The following PPFIBP1 variants were observed in gnomAD, a reference collection of about 807,000 sequenced individuals.
PPFIBP1 encodes the protein PPFIB scaffold protein 1, also known as liprin-beta-1.
In PPFIBP1, 112 loss-of-function variants were observed where a neutral mutation model predicts 137.8. The observed-to-expected ratio is 0.81, with a 90% CI of 0.70 to 0.95. The LOEUF is 0.95. Ranked by LOEUF, PPFIBP1 falls within the 40% of genes least tolerant of loss-of-function variation. The probability of loss-of-function intolerance (pLI) is 0.00; values close to 1 mark genes in which losing one functional copy is unlikely to be tolerated. For synonymous variants in PPFIBP1, 378 were observed against 417.3 expected, an observed-to-expected ratio of 0.91 and a Z score of 1.15; for missense variants, 1,083 against 1,196.6, an observed-to-expected ratio of 0.91 and a Z score of 1.40.
chr12:27,647,021 G>A (rs1417744072), intron 5 of PPFIBP1, among the ~76,000 whole-genome samples: 1 of 152,024 alleles, frequency 6.6e-6, no homozygotes, highest in Non-Finnish European at 1.5e-5. Context: ...TTTTTGTTTT[G>A]GACGGAGTCT....
At chr12:27,665,711 G>A (rs7974209) in intron 12 of PPFIBP1, among the ~76,000 whole-genome samples, 112,144 of 152,116 alleles carry the variant, frequency 0.74, 41,676 homozygotes, top group East Asian at 0.89. Flanking sequence ...CAATTCTTTT[G>A]GAAGGTCCCC....
At chr12:27,662,493 G>A (rs2059614226) in intron 11 of PPFIBP1, among the ~76,000 whole-genome samples, 1 of 152,220 alleles carries the variant, frequency 6.6e-6, no homozygotes, top group Non-Finnish European at 1.5e-5. Flanking sequence ...GGTGAGAAAT[G>A]AAGAGGGCTT....
intron 17 of PPFIBP1, among the ~76,000 whole-genome samples, chr12:27,675,565 G>C (rs2060465974): frequency 6.6e-6 from 1 of 151,996 alleles, no homozygotes; most frequent in Non-Finnish European, 1.5e-5. Context: ...GAAGACAAAA[G>C]TATCTTTGTA....
intron 1 of PPFIBP1, among the ~76,000 whole-genome samples, chr12:27,531,370 G>A (rs917427008): frequency 5.9e-5 from 9 of 151,966 alleles, no homozygotes; most frequent in Non-Finnish European, 1.0e-4. Flanking sequence ...TCGGCTCACT[G>A]CAACCTCCAC....
At chr12:27,676,406 A>G in intron 17 of PPFIBP1, 22 bp from the exon 18 acceptor site, 1 of 1,458,722 alleles carries the variant, frequency 6.9e-7, no homozygotes, top group Admixed American at 2.5e-5. Flanking sequence ...GAGCTGTTTC[A>G]CTATTCTTAT....
At position 27,692,977 on chromosome 12, in the gene PPFIBP1, A is replaced by G; in HGVS notation, c.*95A>G. ...ATATACAACAGGCAGCGGATTGTCTATTGTTTGTTGTTCCAACTTCTGCTG... is the reference window on the plus strand; with the variant it reads ...ATATACAACAGGCAGCGGATTGTCTGTTGTTTGTTGTTCCAACTTCTGCTG... On this transcript the variant is annotated 3_prime_UTR_variant, in exon 30 of 30. Coordinates refer to ENST00000228425, the MANE Select transcript of PPFIBP1 (RefSeq NM_003622.4). The G allele has an allele frequency of 1.3e-6, 2 of 1,515,938 alleles. No homozygotes were observed. Among genetic ancestry groups the G allele is most frequent in the Non-Finnish European group, 1.8e-6 (2 of 1,131,668 alleles). 93.9% of individuals were successfully genotyped at this position (1,515,938 alleles called of 1,614,324 possible). A position where few individuals can be genotyped will look rare whatever the true frequency, so the allele number is the denominator to read the frequency against.
rs1227976988 is a variant in PPFIBP1 at position 27,689,148 on chromosome 12, G to A, written c.2630G>A (p.Arg877Gln). The A allele has an allele frequency of 3.1e-6, 5 of 1,599,766 alleles. No homozygotes were observed. Among genetic ancestry groups the A allele is most frequent in the African/African-American group, 2.7e-5 (2 of 73,738 alleles). Reference sequence around the variant, plus strand: ...GGGGCTGAGGCACAGCACCAGAAGCGAGATGCCATGGAGCTGCCGGATTAT... The same window carrying A: ...GGGGCTGAGGCACAGCACCAGAAGCAAGATGCCATGGAGCTGCCGGATTAT... ...LIGAEAQHQK[R>Q]DAMELPDYVL... Residue 877 changes from arginine (R) to glutamine (Q), a missense_variant, in exon 27 of 30, where the codon CGA (arginine) becomes CAA (glutamine). Arg to Gln is a conservative substitution (Grantham distance 43). Coordinates refer to ENST00000228425, the MANE Select transcript of PPFIBP1 (RefSeq NM_003622.4).
At position 27,677,458 on chromosome 12, in the gene PPFIBP1, G is replaced by A. The variant is rs953745561; in HGVS notation, c.1615+362G>A. On this transcript the variant is annotated intron_variant, in intron 19 of 29. Transcript: ENST00000228425. ...ACTAACTCCCAGGTCCTTGCAGTCCGTTCTCCATGCTTACATTTCCCCCAG... is the reference window on the plus strand; with the variant it reads ...ACTAACTCCCAGGTCCTTGCAGTCCATTCTCCATGCTTACATTTCCCCCAG... 1.6e-5 allele frequency: 4 copies of A among 257,468 alleles called. No homozygotes were observed. The East Asian group carries it at 2.1e-4, about 14-fold the overall frequency. 15.9% of individuals were successfully genotyped at this position (257,468 alleles called of 1,614,324 possible).
intron 1 of PPFIBP1, among the ~76,000 whole-genome samples, chr12:27,549,839 G>T (rs1387144353): frequency 2.0e-5 from 3 of 152,036 alleles, no homozygotes; most frequent in African/African-American, 7.2e-5. Flanking sequence ...GTGTAGGAGG[G>T]TCTGACACCC....
intron 1 of PPFIBP1, among the ~76,000 whole-genome samples, chr12:27,556,963 A>C (rs949571293): frequency 6.6e-6 from 1 of 152,122 alleles, no homozygotes; most frequent in Non-Finnish European, 1.5e-5. Context: ...CTCAAAAAAA[A>C]AAACCTCAAA....
rs1016238232 is a variant in PPFIBP1, at chr12:27,654,876, A to G, written c.696+62A>G. 45 of 1,515,972 alleles carry G rather than the reference A, an allele frequency of 3.0e-5. No individual in the cohort carries two copies. The African/African-American group carries it at 5.2e-4, about 18-fold the overall frequency. 93.9% of individuals were successfully genotyped at this position (1,515,972 alleles called of 1,614,324 possible). A position where few individuals can be genotyped will look rare whatever the true frequency, so the allele number is the denominator to read the frequency against. ...TGGCATCACTATTCATCTATGCCCA[A>G]TAATATAAATAAGATGTTTTCTACT... On this transcript the variant is annotated intron_variant, in intron 8 of 29. Transcript: ENST00000228425.
chr12:27,679,828 A>T, intron 20 of PPFIBP1, 105 bp from the exon 21 acceptor site: 1 of 1,456,984 alleles, frequency 6.9e-7, no homozygotes, highest in Non-Finnish European at 9.3e-7. Flanking sequence ...TGTTAACAAC[A>T]CAAAGAGGAT....
rs551668828 is a variant in PPFIBP1, at chr12:27,656,522, A to T, written c.697-94A>T. The T allele has an allele frequency of 8.9e-6, 7 of 789,060 alleles. No individual in the cohort carries two copies. The African/African-American group carries it at 1.2e-4, about 14-fold the overall frequency. 48.9% of individuals were successfully genotyped at this position (789,060 alleles called of 1,614,324 possible). On this transcript the variant is annotated intron_variant, in intron 8 of 29. Coordinates refer to ENST00000228425, the MANE Select transcript of PPFIBP1 (RefSeq NM_003622.4). ...ATTCTAGTAGATTTGTTTCATTCATAAAACCTGATTATTGATTTAAAGAGC... is the reference window on the plus strand; with the variant it reads ...ATTCTAGTAGATTTGTTTCATTCATTAAACCTGATTATTGATTTAAAGAGC...
At chr12:27,598,597 C>T (rs1217117908) in intron 2 of PPFIBP1, among the ~76,000 whole-genome samples, 1 of 151,332 alleles carries the variant, frequency 6.6e-6, no homozygotes, top group East Asian at 1.9e-4. Flanking sequence ...TGAAAATATA[C>T]AACTCAGGTA....
chr12:27,682,591 G>A (rs780461165), intron 23 of PPFIBP1, 24 bp from the exon 24 acceptor site: 3 of 1,613,316 alleles, frequency 1.9e-6, no homozygotes, highest in Non-Finnish European at 2.5e-6. Context: ...TGGCATGGTA[G>A]CAACACTGGC....
In PPFIBP1 at chr12:27,650,040, C is replaced by G. The variant is rs752721148; in HGVS notation, c.502C>G (p.Gln168Glu). The G allele has an allele frequency of 3.1e-6, 5 of 1,603,360 alleles. No homozygotes were observed. The South Asian group carries it at 5.5e-5, about 18-fold the overall frequency. ...ELLSRTSLET[Q>E]KLDLMAEISN... ...TCTAAGTAGGACATCCTTAGAAACT[C>G]AGAAGTTGGATCTGATGGCTGAAAT... The change falls in exon 7 of 30, where the codon CAG (glutamine) becomes GAG (glutamate). Residue 168 changes from glutamine (Q) to glutamate (E), a missense_variant. Coordinates refer to ENST00000228425, the MANE Select transcript of PPFIBP1 (RefSeq NM_003622.4).
At position 27,692,790 on chromosome 12, in the gene PPFIBP1, T is replaced by G; in HGVS notation, c.2932-6T>G. 6.2e-7 allele frequency: 1 copy of G among 1,614,140 alleles called. No homozygotes were observed. The highest frequency in any genetic ancestry group is 2.2e-5 in the East Asian group (1 of 44,884). ...CAGTGTGACTCCCTGTCTCCTTGTT[T>G]TCCAGCACATGTTAAAAGAAGATGA... is the stretch of plus-strand genomic sequence containing the variant. On this transcript the variant is annotated splice_polypyrimidine_tract_variant and splice_region_variant and intron_variant, in intron 29 of 29. Transcript: ENST00000228425.
Position 27,587,271 on chromosome 12 carries a change from ATC to A in PPFIBP1, c.-36+9034_-36+9035del, listed in dbSNP as rs1452961358. Among the ~76,000 whole-genome samples, 8 of 152,306 alleles carry A rather than the reference ATC, an allele frequency of 5.3e-5. No individual in the cohort carries two copies. The East Asian group carries it at 1.5e-3, about 29-fold the overall frequency. On this transcript the variant is annotated intron_variant, in intron 2 of 29. Transcript: ENST00000228425. Reference sequence around the variant, plus strand: ...ACATCACTTGAGAAGTCAAATTAATATCTAAGTTTTATTTAGAGTAAATGTTT... The same window carrying A: ...ACATCACTTGAGAAGTCAAATTAATATAAGTTTTATTTAGAGTAAATGTTT...
intron 2 of PPFIBP1, among the ~76,000 whole-genome samples, chr12:27,612,340 T>G (rs1022610712): frequency 2.1e-5 from 3 of 143,494 alleles, no homozygotes; most frequent in African/African-American, 7.6e-5. Flanking sequence ...TTTTTTTTTT[T>G]TTTTTTTTTT....
Sources: gnomAD v4.1 joint callset for allele counts (sites outside exome capture counted in the v4.1 genomes callset) on GRCh38, gnomAD v4.1.1 for gene constraint, MANE v1.5 for transcripts, NCBI Gene and HGNC (gene_info 2026-07-23, HGNC 2026-07-21) for gene names.